SULT4A1: variants seen among roughly 807,000 people sequenced by gnomAD.
SULT4A1 encodes the protein sulfotransferase family 4A member 1.
A neutral mutation model predicts 35.2 loss-of-function variants in SULT4A1; 11 were observed. That is an observed-to-expected ratio of 0.31 (90% CI 0.20 to 0.52). The LOEUF is 0.52. SULT4A1 is among the 20% of genes least tolerant of loss of function. SULT4A1 has a pLI of 0.97. For missense variants in SULT4A1, 271 were observed against 383.7 expected (o/e 0.71, Z 2.45); for synonymous variants, 152 against 151.8 (o/e 1.00, Z -0.01).
At position 43,833,673 on chromosome 22, in the gene SULT4A1, G is replaced by C; in HGVS notation, c.570C>G (p.Asn190Lys). The C allele has an allele frequency of 6.3e-7, 1 of 1,595,614 alleles. No individual in the cohort carries two copies. Among genetic ancestry groups the C allele is most frequent in the Non-Finnish European group, 8.5e-7 (1 of 1,170,882 alleles). Reference protein sequence around the residue: ...QEFWEHRMDSNVLFLKYEDMH... With the variant: ...QEFWEHRMDSKVLFLKYEDMH... ...TGTCTTCATACTTGAGAAAAAGCAC[G>C]TTCGAGTCCATGCGGTGCTCCCAGA... Residue 190 changes from asparagine (N) to lysine (K), a missense_variant, in exon 5 of 7, where the codon AAC becomes AAG. Transcript: ENST00000330884.
At position 43,838,853 on chromosome 22, in the gene SULT4A1, G is replaced by A; in HGVS notation, c.508+14C>T. On this transcript the variant is annotated intron_variant, in intron 4 of 6. Transcript: ENST00000330884. ...GGCTCCGGTTCTAACATGCCGCCAG[G>A]CTGCAACACTCACGCTTATCATTCA... 6.2e-7 allele frequency: 1 copy of A among 1,613,806 alleles called. No homozygotes were observed. Among genetic ancestry groups the A allele is most frequent in the South Asian group, 1.1e-5 (1 of 91,068 alleles).
In SULT4A1 at chr22:43,841,913, C is replaced by G. The variant is rs758800944; in HGVS notation, c.189G>C (p.Glu63Asp). 9 of 1,613,386 alleles carry G rather than the reference C, an allele frequency of 5.6e-6. No individual in the cohort carries two copies. The highest frequency in any genetic ancestry group is 1.7e-6 in the Non-Finnish European group (2 of 1,179,628). The stretch of plus-strand genomic sequence containing the variant: ...CGCCCTGGCTCACCAAGTAGACCAC[C>G]TCCTGCAGCAAGCTGGTGCCTGGAG... ...YPKSGTSLLQ[E>D]VVYLVSQGAD... Residue 63 changes from glutamate (E) to aspartate (D), a missense_variant, in exon 2 of 7, where the codon GAG becomes GAC. Physicochemically the swap from Glu to Asp is conservative, Grantham distance 45. This residue lies in a region of SULT4A1 where 164 missense variants were observed against 254.1 expected (regional missense o/e 0.65). Transcript: ENST00000330884.
chr22:43,842,104 C>T (rs1314455368), intron 1 of SULT4A1, among the ~76,000 whole-genome samples, 172 bp from the exon 2 acceptor site: 1 of 152,210 alleles, frequency 6.6e-6, no homozygotes, highest in African/African-American at 2.4e-5. Context: ...CTGAATCCCC[C>T]GTGCTGGGTC....
chr22:43,845,872 T>G (rs1444128178), intron 1 of SULT4A1, among the ~76,000 whole-genome samples: 1 of 152,164 alleles, frequency 6.6e-6, no homozygotes. Flanking sequence ...TGATCTGAGG[T>G]GGAGCAGTTT....
intron 4 of SULT4A1, among the ~76,000 whole-genome samples, chr22:43,835,326 C>T (rs971555720): frequency 3.3e-5 from 5 of 152,218 alleles, no homozygotes; most frequent in African/African-American, 1.2e-4. Context: ...ACGGTTTCTT[C>T]CACGGGGACC....
intron 1 of SULT4A1, among the ~76,000 whole-genome samples, chr22:43,852,635 A>C (rs1016354648): frequency 6.6e-6 from 1 of 152,016 alleles, no homozygotes; most frequent in African/African-American, 2.4e-5. Context: ...ACGTCTGTTA[A>C]ACGCCTGCTG....
At chr22:43,833,860 T>C (rs1028254450) in intron 4 of SULT4A1, 126 bp from the exon 5 acceptor site, 1 of 786,068 alleles carries the variant, frequency 1.3e-6, no homozygotes, top group East Asian at 2.7e-5. Flanking sequence ...TCGTGATCCC[T>C]GCGGACAAGT....
At chr22:43,826,626 GA>G (rs1038670642) in intron 6 of SULT4A1, 33 of 983,682 alleles carry the variant, frequency 3.4e-5, no homozygotes, top group African/African-American at 1.4e-4. Flanking sequence ...ATTTGAAAAG[GA>G]AAAAAAAATC....
intron 6 of SULT4A1, 152 bp downstream of exon 6, chr22:43,828,908 T>TA (rs2063306455): frequency 2.4e-6 from 2 of 840,308 alleles, no homozygotes; most frequent in African/African-American, 3.5e-5. Flanking sequence ...GGGCACCAGC[T>TA]AACAGAGCAC....
intron 6 of SULT4A1, chr22:43,828,683 T>G (rs1289577112): frequency 2.5e-5 from 5 of 197,388 alleles, no homozygotes; most frequent in Non-Finnish European, 5.1e-5. Context: ...TCAGCATGCT[T>G]TGCGCTTTGA....
chr22:43,855,303 AG>A (rs2049390407), intron 1 of SULT4A1, among the ~76,000 whole-genome samples: 3 of 152,176 alleles, frequency 2.0e-5, no homozygotes, highest in African/African-American at 7.2e-5. Flanking sequence ...CAAAGTTGTG[AG>A]GATGGGGAGG....
intron 1 of SULT4A1, among the ~76,000 whole-genome samples, chr22:43,853,831 G>A (rs2148304114): frequency 6.6e-6 from 1 of 152,390 alleles, no homozygotes; most frequent in East Asian, 1.9e-4. Context: ...AGCAAGCAGA[G>A]CGTGGCTCCA....
intron 5 of SULT4A1, among the ~76,000 whole-genome samples, chr22:43,830,129 G>T (rs1440165570): frequency 1.3e-5 from 2 of 152,210 alleles, no homozygotes; most frequent in East Asian, 1.9e-4. Context: ...ACAGGCAGGG[G>T]TGTGGTGCAT....
intron 6 of SULT4A1, among the ~76,000 whole-genome samples, chr22:43,828,298 G>A (rs1320350060): frequency 6.6e-6 from 1 of 152,202 alleles, no homozygotes; most frequent in Non-Finnish European, 1.5e-5. Flanking sequence ...CAGCACCCTG[G>A]GATTCAGGGG....
In SULT4A1 at chr22:43,858,605, T is replaced by C. The variant is rs570040421; in HGVS notation, c.169+3609A>G. On this transcript the variant is annotated intron_variant, in intron 1 of 6. Coordinates refer to ENST00000330884, the MANE Select transcript of SULT4A1 (RefSeq NM_014351.4). ...GGACGCAGGTAACTCACCACACTGC[T>C]GTGGAACACTTTGTTACCCTGTGTG... Among the ~76,000 whole-genome samples the C allele has an allele frequency of 2.4e-4, 37 of 152,340 alleles. 1 individual carries two copies. Among genetic ancestry groups the C allele is most frequent in the African/African-American group, 8.9e-4 (37 of 41,564 alleles).
At chr22:43,848,247 T>C (rs929021349) in intron 1 of SULT4A1, among the ~76,000 whole-genome samples, 1 of 152,034 alleles carries the variant, frequency 6.6e-6, no homozygotes, top group African/African-American at 2.4e-5. Context: ...TCAAAGGAGA[T>C]GACACGCAGA....
At chr22:43,846,133 CCT>C (rs1325379140) in intron 1 of SULT4A1, among the ~76,000 whole-genome samples, 1 of 152,204 alleles carries the variant, frequency 6.6e-6, no homozygotes, top group Non-Finnish European at 1.5e-5. Flanking sequence ...CTGGCTCTCC[CCT>C]GAGCTCCCTC....
At chr22:43,857,081 T>G (rs1486582722) in intron 1 of SULT4A1, among the ~76,000 whole-genome samples, 1 of 152,110 alleles carries the variant, frequency 6.6e-6, no homozygotes, top group Non-Finnish European at 1.5e-5. Context: ...TGGGATTATT[T>G]CAGCAGAGAA....
intron 4 of SULT4A1, 98 bp downstream of exon 4, chr22:43,838,769 A>G (rs1023722162): frequency 1.0e-5 from 16 of 1,535,214 alleles, no homozygotes; most frequent in South Asian, 3.5e-5. Context: ...TCACTGTCAG[A>G]ACTGGAGACC....
Sources: allele counts gnomAD v4.1 joint callset (sites outside exome capture counted in the v4.1 genomes callset), GRCh38; gene constraint gnomAD v4.1.1; regional missense constraint gnomAD v4.1.1; transcripts MANE v1.5; gene names NCBI Gene and HGNC (gene_info 2026-07-23, HGNC 2026-07-21).